Variants in PGAM1 observed in about 807,000 individuals in gnomAD.
PGAM1 encodes the protein BPG-dependent PGAM 1.
A neutral mutation model predicts 23.5 loss-of-function variants in PGAM1; 21 were observed. The ratio of observed to expected loss-of-function variants is 0.89; its 90% CI spans 0.63 to 1.29. The LOEUF (loss-of-function observed/expected upper bound fraction) is 1.29, where lower values mean the gene tolerates loss of function less well. Among genes scored for constraint, PGAM1 ranks in the 50% most tolerant of loss-of-function variants. The pLI, the probability that PGAM1 is intolerant of heterozygous loss-of-function variation, is 0.00. For missense variants in PGAM1, 232 were observed against 336.3 expected (o/e 0.69, Z 2.42); for synonymous variants, 109 against 128.6 (o/e 0.85, Z 1.03).
rs765360191 is a variant in PGAM1 at position 97,430,958 on chromosome 10, C to T, written c.418C>T (p.Arg140Cys). 27 of 1,613,812 alleles carry T rather than the reference C, an allele frequency of 1.7e-5. No individual in the cohort carries two copies. The highest frequency in any genetic ancestry group is 2.2e-5 in the Non-Finnish European group (26 of 1,179,812). The change falls in exon 3 of 4, where the codon CGC (arginine) becomes TGC (cysteine). Residue 140 changes from arginine to cysteine, a missense_variant. This residue lies in a region of PGAM1 where 191 missense variants were observed against 241.7 expected (regional missense o/e 0.79). Transcript: ENST00000334828. The stretch of plus-strand genomic sequence containing the variant: ...ACTTGGATTCTTTATTGCTTAGGAT[C>T]GCAGGTATGCAGACCTCACAGAAGA... ...HPFYSNISKDRRYADLTEDQL... is the reference protein window; with the variant it reads ...HPFYSNISKDCRYADLTEDQL...
rs532118917 is a variant in PGAM1 at position 97,430,281 on chromosome 10, T to C, written c.140-98T>C. On this transcript the variant is annotated intron_variant, in intron 1 of 3. Coordinates refer to ENST00000334828, the MANE Select transcript of PGAM1 (RefSeq NM_002629.4). The stretch of plus-strand genomic sequence containing the variant: ...AAATATTTTCTTTTTTGGCCAAATA[T>C]TGTCATTTGGACTACTTGTACAGGA... The C allele has an allele frequency of 5.5e-5, 79 of 1,439,590 alleles. No homozygotes were observed. In the African/African-American group the frequency reaches 8.8e-4, roughly 16 times the overall value. The allele number at this position is 1,439,590 out of a possible 1,614,324, so 89.2% of individuals were successfully genotyped here.
intron 1 of PGAM1, 76 bp downstream of exon 1, chr10:97,426,522 C>G: frequency 6.8e-7 from 1 of 1,476,132 alleles, no homozygotes; most frequent in Non-Finnish European, 9.0e-7. Flanking sequence ...CGTCTGCGCC[C>G]TCTCGGAGAG....
intron 1 of PGAM1, chr10:97,427,739 G>A: frequency 7.8e-7 from 1 of 1,275,084 alleles, no homozygotes; most frequent in African/African-American, 1.5e-5. Context: ...AAGAATCCCT[G>A]GACTGAAGAG....
Position 97,431,246 on chromosome 10 carries a change from T to C in PGAM1, c.595+111T>C. The C allele has an allele frequency of 4.0e-6, 5 of 1,260,600 alleles. No homozygotes were observed. The South Asian group carries it at 4.9e-5, about 12-fold the overall frequency. 78.1% of individuals were successfully genotyped at this position (1,260,600 alleles called of 1,614,324 possible). ...GAAGGGCTGGACATGTTAACAGCTT[T>C]AGAGATGGTCTAGATTGACTTCTAG... On this transcript the variant is annotated intron_variant, in intron 3 of 3. Coordinates refer to ENST00000334828, the MANE Select transcript of PGAM1 (RefSeq NM_002629.4).
intron 1 of PGAM1, chr10:97,427,777 C>CCT: frequency 7.8e-7 from 1 of 1,288,566 alleles, no homozygotes; most frequent in Non-Finnish European, 1.0e-6. Context: ...AGGGGCAGAT[C>CCT]CTCCTTTGCT....
intron 1 of PGAM1, chr10:97,427,723 A>C (rs1359481385): frequency 5.6e-6 from 7 of 1,253,564 alleles, no homozygotes; most frequent in Non-Finnish European, 7.2e-6. Context: ...TGCTGCCGGC[A>C]CGGCCAAGAA....
Position 97,426,269 on chromosome 10 carries a change from T to C in PGAM1, c.-39T>C, listed in dbSNP as rs2133128703. 6.2e-7 allele frequency: 1 copy of C among 1,609,742 alleles called. No individual in the cohort carries two copies. The highest frequency in any genetic ancestry group is 8.5e-7 in the Non-Finnish European group (1 of 1,179,096). ...CGGGGCGGGCTGCTACTCCGGAATCTGCTAATCCCAGTCGGTGCCGCATCC... is the reference window on the plus strand; with the variant it reads ...CGGGGCGGGCTGCTACTCCGGAATCCGCTAATCCCAGTCGGTGCCGCATCC... On this transcript the variant is annotated 5_prime_UTR_variant, in exon 1 of 4. Transcript: ENST00000334828.
In PGAM1 at chr10:97,433,436, G is replaced by C. The variant is rs1457455354; in HGVS notation, c.*912G>C. The C allele has an allele frequency of 6.6e-6, 1 of 152,638 alleles. No individual in the cohort carries two copies. The highest frequency in any genetic ancestry group is 1.5e-5 in the Non-Finnish European group (1 of 68,040). 9.5% of individuals were successfully genotyped at this position (152,638 alleles called of 1,614,324 possible). On this transcript the variant is annotated 3_prime_UTR_variant, in exon 4 of 4. Transcript: ENST00000334828. ...TATCAGTATAATAAAGGAGTGATGTGCAATAGCTTCTTGTGTGATGTGGAA... is the reference window on the plus strand; with the variant it reads ...TATCAGTATAATAAAGGAGTGATGTCCAATAGCTTCTTGTGTGATGTGGAA...
chr10:97,432,956 G>GCT lies in PGAM1; in HGVS notation c.*435_*436dup, dbSNP rs940721273. ...TCAGGTCACTGCCTACTGCCTGGGG[G>GCT]CTCTAGTCATTCCAGTGGAAGACGA... On this transcript the variant is annotated 3_prime_UTR_variant, in exon 4 of 4. Coordinates refer to ENST00000334828, the MANE Select transcript of PGAM1 (RefSeq NM_002629.4). The GCT allele has an allele frequency of 5.3e-6, 1 of 190,248 alleles. No individual in the cohort carries two copies. The highest frequency in any genetic ancestry group is 1.1e-5 in the Non-Finnish European group (1 of 93,600). The allele number at this position is 190,248 out of a possible 1,614,324, so 11.8% of individuals were successfully genotyped here.
intron 1 of PGAM1, among the ~76,000 whole-genome samples, chr10:97,428,326 G>C (rs1845433337): frequency 6.6e-6 from 1 of 152,158 alleles, no homozygotes; most frequent in African/African-American, 2.4e-5. Context: ...GTACAGCCTT[G>C]AATCTGATTT....
rs1845490640 is a variant in PGAM1 at position 97,433,184 on chromosome 10, C to G, written c.*660C>G. On this transcript the variant is annotated 3_prime_UTR_variant, in exon 4 of 4. Coordinates refer to ENST00000334828, the MANE Select transcript of PGAM1 (RefSeq NM_002629.4). ...CCACATGTGGTCATCAGAAAATAAGCCATTCCTCATACCAATATAGGATCA... is the reference window on the plus strand; with the variant it reads ...CCACATGTGGTCATCAGAAAATAAGGCATTCCTCATACCAATATAGGATCA... 1 of 151,526 alleles carries G rather than the reference C, an allele frequency of 6.6e-6. No homozygotes were observed. Among genetic ancestry groups the G allele is most frequent in the Non-Finnish European group, 1.5e-5 (1 of 68,134 alleles). 9.4% of individuals were successfully genotyped at this position (151,526 alleles called of 1,614,324 possible). A position where few individuals can be genotyped will look rare whatever the true frequency, so the allele number is the denominator to read the frequency against.
At chr10:97,430,910 A>C in intron 2 of PGAM1, 45 bp from the exon 3 acceptor site, 1 of 1,609,832 alleles carries the variant, frequency 6.2e-7, no homozygotes, top group Non-Finnish European at 8.5e-7. Context: ...CTTTTAACAG[A>C]TGTAACTCTT....
Position 97,426,838 on chromosome 10 carries a change from C to A in PGAM1, c.139+392C>A, listed in dbSNP as rs141870971. Among the ~76,000 whole-genome samples the A allele has an allele frequency of 2.4e-4, 36 of 152,168 alleles. 1 individual carries two copies. The East Asian group carries it at 7.0e-3, about 29-fold the overall frequency. ...CACTTGCGGTCAGGATGTTCGAGAC[C>A]AGCCTTATCAACGTGGTGAAACCCC... is the stretch of plus-strand genomic sequence containing the variant. On this transcript the variant is annotated intron_variant, in intron 1 of 3. Coordinates refer to ENST00000334828, the MANE Select transcript of PGAM1 (RefSeq NM_002629.4).
chr10:97,432,558 C>G lies in PGAM1; in HGVS notation c.*34C>G. ...GGGGAGGATACTGTCCCCAGGAGCA[C>G]CCTCCCTGCCCGTCTTGTCCCTCTG... is the stretch of plus-strand genomic sequence containing the variant. On this transcript the variant is annotated 3_prime_UTR_variant, in exon 4 of 4. Coordinates refer to ENST00000334828, the MANE Select transcript of PGAM1 (RefSeq NM_002629.4). 1.6e-6 allele frequency: 2 copies of G among 1,282,548 alleles called. No individual in the cohort carries two copies. The highest frequency in any genetic ancestry group is 2.2e-6 in the Non-Finnish European group (2 of 893,392). 79.4% of individuals were successfully genotyped at this position (1,282,548 alleles called of 1,614,324 possible). A position where few individuals can be genotyped will look rare whatever the true frequency, so the allele number is the denominator to read the frequency against.
At chr10:97,427,376 TG>T (rs1845422329) in intron 1 of PGAM1, 1 of 1,003,340 alleles carries the variant, frequency 1.0e-6, no homozygotes, top group Non-Finnish European at 1.2e-6. Context: ...CATCTGTAGA[TG>T]TAACTTGAGT....
intron 2 of PGAM1, 129 bp downstream of exon 2, chr10:97,430,782 A>C (rs1845461892): frequency 6.9e-7 from 1 of 1,445,288 alleles, no homozygotes; most frequent in East Asian, 2.3e-5. Context: ...CCAGTGAATG[A>C]CCTTCACTTA....
At chr10:97,430,812 G>A (rs1439269159) in intron 2 of PGAM1, 143 bp from the exon 3 acceptor site, 6 of 1,470,954 alleles carry the variant, frequency 4.1e-6, no homozygotes, top group Non-Finnish European at 5.6e-6. Flanking sequence ...ATGGTTGATA[G>A]TTTACTATCT....
chr10:97,427,225 T>A, intron 1 of PGAM1: 1 of 977,008 alleles, frequency 1.0e-6, no homozygotes, highest in Non-Finnish European at 1.2e-6. Flanking sequence ...TCCTAGCGGA[T>A]CGACACGCCA....
chr10:97,428,510 C>T (rs893292561), intron 1 of PGAM1, among the ~76,000 whole-genome samples: 12 of 152,192 alleles, frequency 7.9e-5, no homozygotes, highest in Non-Finnish European at 1.3e-4. Context: ...TTCTCTGATT[C>T]TTCAGGTTCT....
Sources: allele counts gnomAD v4.1 joint callset (sites outside exome capture counted in the v4.1 genomes callset), GRCh38; gene constraint gnomAD v4.1.1; regional missense constraint gnomAD v4.1.1; transcripts MANE v1.5; gene names NCBI Gene and HGNC (gene_info 2026-07-23, HGNC 2026-07-21).